The following CELF2 variants were observed in gnomAD, a reference collection of about 807,000 sequenced individuals.
The protein encoded by CELF2 is CUG triplet repeat RNA-binding protein 2.
In CELF2, 8 loss-of-function variants were observed where a neutral mutation model predicts 62.6. That is an observed-to-expected ratio of 0.13 (90% confidence interval 0.07 to 0.23). The LOEUF (loss-of-function observed/expected upper bound fraction) is 0.23. Ranked by LOEUF, CELF2 falls within the 10% of genes least tolerant of loss-of-function variation. The pLI is 1.00. For synonymous variants in CELF2, 258 were observed against 250.0 expected, an observed-to-expected ratio of 1.03 and a Z score of -0.30; for missense variants, 333 against 671.0, an observed-to-expected ratio of 0.50 and a Z score of 5.56.
intron 1 of CELF2, among the ~76,000 whole-genome samples, chr10:11,054,558 G>A (rs996721094): frequency 3.3e-5 from 5 of 151,380 alleles, no homozygotes; most frequent in Non-Finnish European, 5.9e-5. Flanking sequence ...GTCAATTTAT[G>A]AAGAATTGAC....
the CELF2 span, among the ~76,000 whole-genome samples, chr10:10,713,249 A>G: frequency 6.4e-4 from 98 of 152,272 alleles, no homozygotes; most frequent in African/African-American, 2.2e-3. Flanking sequence ...TCTCTTACTC[A>G]TAATGTCTAT....
At chr10:10,518,206 G>T in the CELF2 span, among the ~76,000 whole-genome samples, 3 of 152,158 alleles carry the variant, frequency 2.0e-5, no homozygotes, top group Non-Finnish European at 4.4e-5. Context: ...TCTTGCTGTA[G>T]CATCTTAATC....
At chr10:10,742,488 G>T in the CELF2 span, among the ~76,000 whole-genome samples, 1 of 151,818 alleles carries the variant, frequency 6.6e-6, no homozygotes, top group African/African-American at 2.4e-5. Flanking sequence ...AGTTAGCCAG[G>T]CATGGTGGTG....
the CELF2 span, among the ~76,000 whole-genome samples, chr10:10,579,081 C>T: frequency 6.6e-6 from 1 of 151,962 alleles, no homozygotes; most frequent in Non-Finnish European, 1.5e-5. Flanking sequence ...TTGTTCTCTA[C>T]ACAGGAACAT....
chr10:10,674,537 G>A, the CELF2 span, among the ~76,000 whole-genome samples: 1 of 152,072 alleles, frequency 6.6e-6, no homozygotes, highest in Admixed American at 6.5e-5. Flanking sequence ...AATATAATTG[G>A]ATTGCTGTCT....
chr10:11,166,825 T>A (rs1166577516), intron 2 of CELF2, among the ~76,000 whole-genome samples: 1 of 152,264 alleles, frequency 6.6e-6, no homozygotes, highest in Non-Finnish European at 1.5e-5. Flanking sequence ...CTAGGAAATC[T>A]TTAAGACTGA....
chr10:11,238,461 A>G (rs1381797561), intron 3 of CELF2, among the ~76,000 whole-genome samples: 1 of 152,242 alleles, frequency 6.6e-6, no homozygotes, highest in Admixed American at 6.5e-5. Flanking sequence ...AAACCTAGGT[A>G]TAAACTTTTA....
chr10:10,857,621 A>T (rs1050430923), intron 1 of CELF2, among the ~76,000 whole-genome samples: 2 of 137,490 alleles, frequency 1.5e-5, no homozygotes, highest in Admixed American at 7.6e-5. Context: ...TATATATATA[A>T]ATATATGTGG....
chr10:10,650,573 T>C, the CELF2 span, among the ~76,000 whole-genome samples: 1 of 152,094 alleles, frequency 6.6e-6, no homozygotes, highest in Non-Finnish European at 1.5e-5. Flanking sequence ...AATGAATTTT[T>C]CACAAAATGA....
chr10:11,291,076 A>T lies in CELF2; in HGVS notation c.976+2524A>T, dbSNP rs555268898. ...ATTCCCAAGGCCATTGCCATTATTT[A>T]CTTTTTAAATAATAATAAACTGGGC... On this transcript the variant is annotated intron_variant, in intron 9 of 12. Transcript: ENST00000633077. 4.6e-5 allele frequency among the ~76,000 whole-genome samples: 7 copies of T among 152,260 alleles called. No individual in the cohort carries two copies. In the East Asian group the frequency reaches 1.4e-3, roughly 29 times the overall value.
At chr10:10,832,069 A>G (rs866116128) in intron 1 of CELF2, among the ~76,000 whole-genome samples, 38 of 151,854 alleles carry the variant, frequency 2.5e-4, no homozygotes, top group African/African-American at 8.7e-4. Context: ...GGAGTTCGAG[A>G]CTATCCTGGC....
Position 10,891,621 on chromosome 10 carries a change from C to T in CELF2, c.54-28343C>T, listed in dbSNP as rs377010720. On this transcript the variant is annotated intron_variant, in intron 1 of 13. Transcript: ENST00000636488. ...GACTCAGACATGAGTTTTTAAGAGG[C>T]AGAGCTGGACTTCAACCCAGACTTG... Among the ~76,000 whole-genome samples, 41 of 152,252 alleles carry T rather than the reference C, an allele frequency of 2.7e-4. No homozygotes were observed. The East Asian group carries it at 6.2e-3, about 23-fold the overall frequency.
Position 11,217,310 on chromosome 10 carries a change from T to C in CELF2, c.272-115T>C. ...TTGTTATTGCTGTTCTCATATGCTT[T>C]ATTATTTTTAAATTGTGCGTCCTTT... On this transcript the variant is annotated intron_variant, in intron 2 of 12. Coordinates refer to ENST00000633077, the MANE Select transcript of CELF2 (RefSeq NM_001326342.2). The surrounding 1 kb of genome is among the most constrained non-coding windows in gnomAD (Gnocchi z 5.6). The C allele has an allele frequency of 1.6e-6, 1 of 637,240 alleles. No homozygotes were observed. The allele number at this position is 637,240 out of a possible 1,614,324, so 39.5% of individuals were successfully genotyped here.
At chr10:10,690,382 A>G in the CELF2 span, among the ~76,000 whole-genome samples, 2 of 152,256 alleles carry the variant, frequency 1.3e-5, no homozygotes, top group South Asian at 4.1e-4. Context: ...AAGGTTATCT[A>G]TACATCTTAC....
chr10:11,278,829 G>A (rs944483337), intron 8 of CELF2, among the ~76,000 whole-genome samples: 2 of 152,184 alleles, frequency 1.3e-5, no homozygotes, highest in East Asian at 1.9e-4. Flanking sequence ...ATGAAGTAGG[G>A]ACTCTAAGTT....
chr10:10,534,945 A>C, the CELF2 span, among the ~76,000 whole-genome samples: 8 of 152,218 alleles, frequency 5.3e-5, no homozygotes, highest in Admixed American at 1.3e-4. Flanking sequence ...TAATGAACTA[A>C]TTAGATTAAT....
the CELF2 span, among the ~76,000 whole-genome samples, chr10:10,696,239 G>C: frequency 1.5e-3 from 227 of 149,842 alleles, 2 homozygotes; most frequent in African/African-American, 3.4e-3. Flanking sequence ...CTCTCAGCTG[G>C]AGGTCTGTTG....
chr10:11,119,085 A>T (rs773697780), intron 1 of CELF2, among the ~76,000 whole-genome samples: 2 of 152,244 alleles, frequency 1.3e-5, no homozygotes, highest in Non-Finnish European at 2.9e-5. Context: ...AAACTAGATC[A>T]GGACTGATGA....
chr10:10,548,715 G>C, the CELF2 span, among the ~76,000 whole-genome samples: 99 of 152,144 alleles, frequency 6.5e-4, no homozygotes, highest in Non-Finnish European at 2.6e-4. Flanking sequence ...TTATATAATA[G>C]TCATAAATAA....
Sources: gnomAD v4.1 joint callset for allele counts (sites outside exome capture counted in the v4.1 genomes callset) on GRCh38, gnomAD v4.1.1 for gene constraint, Gnocchi (gnomAD v3.1) non-coding constraint, MANE v1.5 for transcripts, NCBI Gene and HGNC (gene_info 2026-07-23, HGNC 2026-07-21) for gene names.